RAPGEF6: variants seen among roughly 807,000 people sequenced by gnomAD.
RAPGEF6 encodes Rap guanine nucleotide exchange factor 6, also known as PDZ domain containing guanine nucleotide exchange factor (GEF) 2.
RAPGEF6 carries 56 observed loss-of-function variants against 171.4 expected under a neutral mutation model. The ratio of observed to expected loss-of-function variants is 0.33; its 90% CI spans 0.26 to 0.41. The LOEUF is 0.41. RAPGEF6 is among the 10% of genes least tolerant of loss of function. The pLI, the probability that RAPGEF6 is intolerant of heterozygous loss-of-function variation, is 1.00. For missense variants in RAPGEF6, 1,674 were observed against 1,921.4 expected (o/e 0.87, Z 2.41); for synonymous variants, 692 against 650.1 (o/e 1.06, Z -0.98).
At chr5:131,632,859 T>G (rs1270389120) in intron 1 of RAPGEF6, among the ~76,000 whole-genome samples, 1 of 152,224 alleles carries the variant, frequency 6.6e-6, no homozygotes, top group Non-Finnish European at 1.5e-5. Context: ...GCACTACCAA[T>G]GCATCAGTTA....
intron 5 of RAPGEF6, among the ~76,000 whole-genome samples, chr5:131,554,419 C>T (rs1476228958): frequency 6.6e-6 from 1 of 152,152 alleles, no homozygotes; most frequent in African/African-American, 2.4e-5. Flanking sequence ...TAATGATTTA[C>T]AGAATACATA....
intron 15 of RAPGEF6, among the ~76,000 whole-genome samples, chr5:131,487,227 G>A (rs764879636): frequency 7.9e-5 from 12 of 152,346 alleles, no homozygotes; most frequent in Middle Eastern, 3.4e-3. Flanking sequence ...CCTTCGCGGC[G>A]AGTGTTACAG....
intron 16 of RAPGEF6, among the ~76,000 whole-genome samples, chr5:131,476,505 G>A (rs576322793): frequency 1.2e-4 from 19 of 152,126 alleles, no homozygotes; most frequent in African/African-American, 4.6e-4. Flanking sequence ...TGTCACCCAG[G>A]CTGCAGTGCA....
intron 11 of RAPGEF6, among the ~76,000 whole-genome samples, chr5:131,501,260 C>T (rs1753415942): frequency 1.3e-5 from 2 of 151,292 alleles, no homozygotes; most frequent in African/African-American, 4.9e-5. Flanking sequence ...TGCCTGAACC[C>T]AGGAGGCAGA....
At chr5:131,540,680 A>G (rs1430138311) in intron 6 of RAPGEF6, among the ~76,000 whole-genome samples, 2 of 152,258 alleles carry the variant, frequency 1.3e-5, no homozygotes, top group African/African-American at 2.4e-5. Context: ...ACCTTTGAAC[A>G]ATGTCCAGAT....
At position 131,433,420 on chromosome 5, in the gene RAPGEF6, T is replaced by A; in HGVS notation, c.3974+10A>T. 6.2e-7 allele frequency: 1 copy of A among 1,600,992 alleles called. No homozygotes were observed. The highest frequency in any genetic ancestry group is 8.6e-7 in the Non-Finnish European group (1 of 1,168,084). ...GGTTTTGTGTTATGAACACAGACAA[T>A]GATGCTTACCCAGGGCCATGTTGAC... On this transcript the variant is annotated intron_variant, in intron 25 of 27. Coordinates refer to ENST00000509018, the MANE Select transcript of RAPGEF6 (RefSeq NM_016340.6).
chr5:131,617,561 T>A (rs1580685945), intron 1 of RAPGEF6, among the ~76,000 whole-genome samples: 1 of 152,176 alleles, frequency 6.6e-6, no homozygotes, highest in East Asian at 1.9e-4. Context: ...CAAGCGATTC[T>A]CCTGCCTCAG....
chr5:131,585,531 C>A (rs1316947311), intron 4 of RAPGEF6, among the ~76,000 whole-genome samples: 1 of 151,494 alleles, frequency 6.6e-6, no homozygotes, highest in Non-Finnish European at 1.5e-5. Context: ...CAAAAAAAAA[C>A]AAAAATGCAA....
intron 26 of RAPGEF6, among the ~76,000 whole-genome samples, chr5:131,429,483 G>A (rs921284072): frequency 1.3e-5 from 2 of 152,148 alleles, no homozygotes; most frequent in African/African-American, 4.8e-5. Context: ...GCTTCCTTCT[G>A]CAATTCAGCC....
Position 131,426,698 on chromosome 5 carries a change from CAA to C in RAPGEF6, c.*566_*567del. 1.3e-5 allele frequency: 2 copies of C among 157,548 alleles called. No homozygotes were observed. The highest frequency in any genetic ancestry group is 2.8e-5 in the Non-Finnish European group (2 of 71,862). The allele number at this position is 157,548 out of a possible 1,614,324, so 9.8% of individuals were successfully genotyped here. A position where few individuals can be genotyped will look rare whatever the true frequency, so the allele number is the denominator to read the frequency against. On this transcript the variant is annotated 3_prime_UTR_variant, in exon 28 of 28. Transcript: ENST00000509018. Reference sequence around the variant, plus strand: ...GATCAAGTCACATCTCTGTGTAGATCAAGCATATCACCTCTGTAAAGATGACT... The same window carrying C: ...GATCAAGTCACATCTCTGTGTAGATCGCATATCACCTCTGTAAAGATGACT...
chr5:131,601,967 G>A (rs186920410), intron 3 of RAPGEF6, among the ~76,000 whole-genome samples: 53 of 151,664 alleles, frequency 3.5e-4, no homozygotes, highest in South Asian at 3.3e-3. Flanking sequence ...CCCAGGAGGC[G>A]GAGCTTGCAG....
At position 131,499,853 on chromosome 5, in the gene RAPGEF6, T is replaced by C. The variant is rs191427640; in HGVS notation, c.1255-1246A>G. Among the ~76,000 whole-genome samples, 42 of 152,316 alleles carry C rather than the reference T, an allele frequency of 2.8e-4. No individual in the cohort carries two copies. The East Asian group carries it at 7.9e-3, about 29-fold the overall frequency. On this transcript the variant is annotated intron_variant, in intron 11 of 27. Coordinates refer to ENST00000509018, the MANE Select transcript of RAPGEF6 (RefSeq NM_016340.6). ...ACTAACAATGTTCTTTATCTAAGAA[T>C]CTATTAAAAATAAAAAGGTACTTTA...
chr5:131,500,687 C>A (rs1454218124), intron 11 of RAPGEF6, among the ~76,000 whole-genome samples: 1 of 152,132 alleles, frequency 6.6e-6, no homozygotes, highest in Non-Finnish European at 1.5e-5. Context: ...GCTATTTCTT[C>A]TAGCCTAATT....
intron 4 of RAPGEF6, among the ~76,000 whole-genome samples, chr5:131,578,758 G>A (rs757668224): frequency 2.0e-5 from 3 of 152,070 alleles, no homozygotes; most frequent in Admixed American, 6.6e-5. Flanking sequence ...TTCCAACTTC[G>A]CATTACTGAT....
intron 11 of RAPGEF6, among the ~76,000 whole-genome samples, chr5:131,501,585 T>C (rs565331858): frequency 6.6e-6 from 1 of 151,878 alleles, no homozygotes. Context: ...ATCAACACAG[T>C]GTTTAAAATC....
chr5:131,439,113 C>T (rs1469491556), intron 24 of RAPGEF6, among the ~76,000 whole-genome samples: 1 of 152,108 alleles, frequency 6.6e-6, no homozygotes, highest in Non-Finnish European at 1.5e-5. Flanking sequence ...GTTGGGGTCT[C>T]ATCATGTTGC....
At chr5:131,554,705 C>T (rs1172272988) in intron 5 of RAPGEF6, among the ~76,000 whole-genome samples, 2 of 151,962 alleles carry the variant, frequency 1.3e-5, no homozygotes, top group African/African-American at 2.4e-5. Context: ...TCAGTAGAGA[C>T]GGGGTTTCAC....
intron 24 of RAPGEF6, among the ~76,000 whole-genome samples, chr5:131,437,469 C>T (rs1752085259): frequency 6.6e-6 from 1 of 152,248 alleles, no homozygotes; most frequent in East Asian, 1.9e-4. Context: ...TGTTCCTGAA[C>T]GAGCATTAGG....
At chr5:131,505,635 T>C in intron 9 of RAPGEF6, 113 bp from the exon 10 acceptor site, 1 of 933,970 alleles carries the variant, frequency 1.1e-6, no homozygotes, top group Non-Finnish European at 1.6e-6. Context: ...AAAAGGAGGA[T>C]CTGGTTATAT....
Sources: gnomAD v4.1 joint callset for allele counts (sites outside exome capture counted in the v4.1 genomes callset) on GRCh38, gnomAD v4.1.1 for gene constraint, MANE v1.5 for transcripts, NCBI Gene and HGNC (gene_info 2026-07-23, HGNC 2026-07-21) for gene names.